Variants in ZNF521 observed in about 807,000 individuals in gnomAD.
The protein encoded by ZNF521 is LYST-interacting protein 3.
Under a neutral mutation model 105.5 loss-of-function variants are expected in ZNF521, and 14 were observed. The observed-to-expected ratio is 0.13, with a 90% CI of 0.09 to 0.21. ZNF521 has a LOEUF of 0.21. Ranked by LOEUF, ZNF521 falls within the 10% of genes least tolerant of loss-of-function variation. The pLI is 1.00. For synonymous variants in ZNF521, 635 were observed against 606.0 expected, an observed-to-expected ratio of 1.05 and a Z score of -0.70; for missense variants, 1,233 against 1,629.7, an observed-to-expected ratio of 0.76 and a Z score of 4.19.
intron 3 of ZNF521, among the ~76,000 whole-genome samples, chr18:25,229,766 T>C (rs1280444663): frequency 6.6e-6 from 1 of 152,184 alleles, no homozygotes; most frequent in African/African-American, 2.4e-5. Flanking sequence ...ATTTAAAAAA[T>C]ATTTTCAAAC....
chr18:25,349,707 C>A (rs1914629533), intron 2 of ZNF521, among the ~76,000 whole-genome samples: 1 of 151,702 alleles, frequency 6.6e-6, no homozygotes, highest in East Asian at 2.0e-4. Flanking sequence ...CGCGGCCCGG[C>A]AGCCAGGAGG....
chr18:25,176,384 T>G (rs903426062), intron 5 of ZNF521, among the ~76,000 whole-genome samples: 8 of 152,188 alleles, frequency 5.3e-5, no homozygotes, highest in Admixed American at 3.3e-4. Flanking sequence ...CCCTACTCTT[T>G]TAACACATCA....
chr18:25,323,156 C>A (rs1913029266), intron 2 of ZNF521, among the ~76,000 whole-genome samples: 1 of 151,984 alleles, frequency 6.6e-6, no homozygotes, highest in Non-Finnish European at 1.5e-5. Flanking sequence ...TGGGATAATA[C>A]AATCAGTGAC....
At chr18:25,158,290 A>G (rs2035185198) in intron 5 of ZNF521, among the ~76,000 whole-genome samples, 1 of 152,084 alleles carries the variant, frequency 6.6e-6, no homozygotes, top group African/African-American at 2.4e-5. Flanking sequence ...ATGTGCATGT[A>G]TATTTGCATA....
chr18:25,116,897 ATATG>A (rs2034320518), intron 5 of ZNF521, among the ~76,000 whole-genome samples: 4 of 51,998 alleles, frequency 7.7e-5, no homozygotes, highest in Non-Finnish European at 2.0e-4. Flanking sequence ...ACGTATATAT[ATATG>A]TGTATATATA....
intron 7 of ZNF521, among the ~76,000 whole-genome samples, chr18:25,063,028 G>A (rs2032950142): frequency 6.6e-6 from 1 of 152,178 alleles, no homozygotes; most frequent in South Asian, 2.1e-4. Flanking sequence ...CAGGGCAGAA[G>A]CCTCCTTAAT....
intron 4 of ZNF521, among the ~76,000 whole-genome samples, chr18:25,208,071 A>C (rs571693776): frequency 2.0e-5 from 3 of 152,334 alleles, no homozygotes; most frequent in Admixed American, 2.0e-4. Flanking sequence ...TCCAGGTGAC[A>C]AATCAGTCAT....
At chr18:25,188,531 T>C (rs1225371125) in intron 5 of ZNF521, among the ~76,000 whole-genome samples, 1 of 152,210 alleles carries the variant, frequency 6.6e-6, no homozygotes, top group Non-Finnish European at 1.5e-5. Context: ...GTATTACTGA[T>C]GACTTTTAGT....
At chr18:25,133,882 C>T (rs1434332346) in intron 5 of ZNF521, among the ~76,000 whole-genome samples, 1 of 151,924 alleles carries the variant, frequency 6.6e-6, no homozygotes, top group Non-Finnish European at 1.5e-5. Flanking sequence ...TCTGAGCCTG[C>T]AATAGAATAT....
chr18:25,192,124 A>G (rs2035829081), intron 5 of ZNF521, among the ~76,000 whole-genome samples: 1 of 152,188 alleles, frequency 6.6e-6, no homozygotes, highest in South Asian at 2.1e-4. Flanking sequence ...AAAGAAGAAA[A>G]GAAACCCCTG....
Position 25,104,045 on chromosome 18 carries a change from G to A in ZNF521, c.3659-11964C>T, listed in dbSNP as rs145139053. Among the ~76,000 whole-genome samples the A allele has an allele frequency of 1.2e-3, 189 of 152,166 alleles. 1 individual carries two copies. In the East Asian group the frequency reaches 0.014, roughly 11 times the overall value. On this transcript the variant is annotated intron_variant, in intron 5 of 7. Coordinates refer to ENST00000361524, the MANE Select transcript of ZNF521 (RefSeq NM_015461.3). Reference sequence around the variant, plus strand: ...GTTAAATAAAGAATGAGACATAATAGTTATGGAGTGCTCTTTCTCCGATGA... The same window carrying A: ...GTTAAATAAAGAATGAGACATAATAATTATGGAGTGCTCTTTCTCCGATGA...
chr18:25,168,503 T>C (rs1360447579), intron 5 of ZNF521, among the ~76,000 whole-genome samples: 1 of 152,114 alleles, frequency 6.6e-6, no homozygotes. Flanking sequence ...CCCAAACACA[T>C]ACCAGGAGAG....
rs2034668918 is a variant in ZNF521 at position 25,133,010 on chromosome 18, G to T, written c.3659-40929C>A. ...AGTTCCCGAAGCAAAAGGTGTGTTG[G>T]TCTGTTGGATGGGCGGTCTTGGTAG... On this transcript the variant is annotated intron_variant, in intron 5 of 7. Transcript: ENST00000361524. Among the ~76,000 whole-genome samples the T allele has an allele frequency of 2.0e-5, 3 of 152,270 alleles. No homozygotes were observed. In the South Asian group the frequency reaches 6.2e-4, roughly 32 times the overall value.
At chr18:25,276,802 T>C (rs1645683934) in intron 3 of ZNF521, among the ~76,000 whole-genome samples, 1 of 152,256 alleles carries the variant, frequency 6.6e-6, no homozygotes, top group African/African-American at 2.4e-5. Flanking sequence ...AGTTCACCTT[T>C]ATTTTACCTT....
At chr18:25,235,784 G>A (rs1906849559) in intron 3 of ZNF521, among the ~76,000 whole-genome samples, 1 of 152,164 alleles carries the variant, frequency 6.6e-6, no homozygotes, top group South Asian at 2.1e-4. Context: ...TGCAGACAAG[G>A]CCACTAGAGA....
chr18:25,069,387 T>C (rs2033158121), intron 7 of ZNF521, among the ~76,000 whole-genome samples: 1 of 152,168 alleles, frequency 6.6e-6, no homozygotes, highest in Non-Finnish European at 1.5e-5. Context: ...TAAATTAACA[T>C]TTTCAAAGTC....
intron 5 of ZNF521, among the ~76,000 whole-genome samples, chr18:25,138,167 G>A (rs2034772404): frequency 6.6e-6 from 1 of 152,106 alleles, no homozygotes; most frequent in African/African-American, 2.4e-5. Flanking sequence ...CAGTTCCAGG[G>A]CTGATACCTC....
intron 5 of ZNF521, among the ~76,000 whole-genome samples, chr18:25,123,250 G>A (rs780931056): frequency 4.0e-5 from 6 of 151,820 alleles, no homozygotes; most frequent in Non-Finnish European, 7.4e-5. Flanking sequence ...AGACCACATC[G>A]TCAGGGAACT....
intron 4 of ZNF521, among the ~76,000 whole-genome samples, chr18:25,212,538 A>AAAAAAATATAT (rs1555647923): frequency 2.1e-5 from 1 of 48,144 alleles, no homozygotes; most frequent in African/African-American, 1.3e-4. Context: ...AAAAAAAAAA[A>AAAAAAATATAT]ATATATATAT....
Sources: gnomAD v4.1 joint callset for allele counts (sites outside exome capture counted in the v4.1 genomes callset) on GRCh38, gnomAD v4.1.1 for gene constraint, MANE v1.5 for transcripts, NCBI Gene and HGNC (gene_info 2026-07-23, HGNC 2026-07-21) for gene names.